GPHN: variants seen among roughly 807,000 people sequenced by gnomAD.
GPHN encodes the protein gephyrin.
GPHN carries 17 observed loss-of-function variants against 95.5 expected under a neutral mutation model. The ratio of observed to expected loss-of-function variants is 0.18; its 90% CI spans 0.12 to 0.27. GPHN has a LOEUF of 0.27. Among genes scored for constraint, GPHN ranks in the 10% least tolerant of loss-of-function variants. GPHN has a pLI of 1.00. For missense variants in GPHN, 660 were observed against 978.1 expected (o/e 0.67, Z 4.34); for synonymous variants, 320 against 322.5 (o/e 0.99, Z 0.08).
chr14:67,427,546 C>T, the GPHN span, among the ~76,000 whole-genome samples: 28 of 152,306 alleles, frequency 1.8e-4, no homozygotes, highest in Non-Finnish European at 2.6e-4. Flanking sequence ...CCCAGGTCGG[C>T]GGCCCAGGGC....
chr14:67,573,763 A>T, the GPHN span: 1 of 1,347,856 alleles, frequency 7.4e-7, no homozygotes, highest in Non-Finnish European at 1.1e-6. The surrounding 1 kb of genome is among the most constrained non-coding windows in gnomAD (Gnocchi z 4.8). Context: ...GAAAGGCTCC[A>T]CATTCAGTGG....
the GPHN span, among the ~76,000 whole-genome samples, chr14:67,252,514 G>A: frequency 6.6e-6 from 1 of 152,172 alleles, no homozygotes; most frequent in Non-Finnish European, 1.5e-5. Context: ...TAGCTGGGTG[G>A]TGTGAAGTAC....
rs1428883717 is a variant in GPHN at position 66,578,702 on chromosome 14, GA to G, written c.64+70122del. ...AACAAAAATTTCTTGCTCAAAGAAAGAAAAAAAAAAACACCAGGAACCATAA... is the reference window on the plus strand; with the variant it reads ...AACAAAAATTTCTTGCTCAAAGAAAGAAAAAAAAAACACCAGGAACCATAA... On this transcript the variant is annotated intron_variant, in intron 1 of 22. Transcript: ENST00000478722. Among the ~76,000 whole-genome samples, 344 of 80,910 alleles carry G rather than the reference GA, an allele frequency of 4.3e-3. 7 individuals are homozygous for G. Among genetic ancestry groups the G allele is most frequent in the Non-Finnish European group, 3.7e-3 (139 of 37,366 alleles). The allele number at this position is 80,910 out of a possible 152,430, so 53.1% of individuals were successfully genotyped here. A position where few individuals can be genotyped will look rare whatever the true frequency, so the allele number is the denominator to read the frequency against.
At chr14:67,018,081 T>C (rs774168257) in intron 9 of GPHN, among the ~76,000 whole-genome samples, 1 of 152,124 alleles carries the variant, frequency 6.6e-6, no homozygotes, top group Admixed American at 6.5e-5. Flanking sequence ...TGGGGACTCA[T>C]ATCAGTAATT....
intron 9 of GPHN, among the ~76,000 whole-genome samples, chr14:67,021,513 C>G (rs7157126): frequency 0.32 from 48,471 of 151,860 alleles, 12,136 homozygotes; most frequent in African/African-American, 0.68. Context: ...AATGATTTTG[C>G]TTGTTAATTT....
At chr14:67,579,716 C>A in the GPHN span, 12 of 1,611,950 alleles carry the variant, frequency 7.4e-6, no homozygotes, top group Non-Finnish European at 7.6e-6. Flanking sequence ...CTTCTCCCGC[C>A]TCAGGTGGTT....
chr14:67,107,666 G>A (rs775220180), intron 13 of GPHN, among the ~76,000 whole-genome samples: 3 of 152,156 alleles, frequency 2.0e-5, no homozygotes, highest in Non-Finnish European at 4.4e-5. Flanking sequence ...GTGGGGCTAC[G>A]CAGGTCCTCA....
chr14:66,591,504 C>T (rs1041350560), intron 1 of GPHN, among the ~76,000 whole-genome samples: 1 of 146,260 alleles, frequency 6.8e-6, no homozygotes, highest in African/African-American at 2.7e-5. Context: ...AATTTCTATA[C>T]ATCAATAATA....
the GPHN span, among the ~76,000 whole-genome samples, chr14:67,455,473 G>A: frequency 6.6e-6 from 1 of 152,182 alleles, no homozygotes; most frequent in Admixed American, 6.5e-5. Context: ...CCCCACTGCA[G>A]ATGCTCCTAG....
In GPHN at chr14:67,062,247, T is replaced by C. The variant is rs2075854701; in HGVS notation, c.1144+3461T>C. ...TTAATGAGCAAACCTTTATAGTTTG[T>C]TTTGATTTCAGCTAGATGTACCTCT... On this transcript the variant is annotated intron_variant, in intron 11 of 22. Transcript: ENST00000478722. Among the ~76,000 whole-genome samples, 4 of 152,362 alleles carry C rather than the reference T, an allele frequency of 2.6e-5. No homozygotes were observed. In the South Asian group the frequency reaches 8.3e-4, roughly 32 times the overall value.
chr14:67,598,037 A>G, the GPHN span, among the ~76,000 whole-genome samples: 2 of 152,242 alleles, frequency 1.3e-5, no homozygotes, highest in Admixed American at 1.3e-4. Context: ...GTGCCCTACT[A>G]TCTGCATTTT....
At chr14:66,548,905 G>A (rs2059709827) in intron 1 of GPHN, among the ~76,000 whole-genome samples, 1 of 152,044 alleles carries the variant, frequency 6.6e-6, no homozygotes, top group South Asian at 2.1e-4. Flanking sequence ...ATACTTCTGA[G>A]GATCTAAGAG....
At chr14:67,429,772 A>G in the GPHN span, among the ~76,000 whole-genome samples, 2 of 152,110 alleles carry the variant, frequency 1.3e-5, no homozygotes, top group African/African-American at 4.8e-5. Context: ...AACAAAAATG[A>G]TGAAAACTAA....
At chr14:67,334,013 A>G in the GPHN span, 2 of 152,604 alleles carry the variant, frequency 1.3e-5, no homozygotes, top group Admixed American at 1.3e-4. Context: ...ACAAATGGTC[A>G]TTGAAAACAC....
chr14:67,709,554 A>G, the GPHN span, among the ~76,000 whole-genome samples: 1 of 152,194 alleles, frequency 6.6e-6, no homozygotes, highest in Non-Finnish European at 1.5e-5. Context: ...ATGTAGAGAA[A>G]CAGAACTTGT....
intron 5 of GPHN, among the ~76,000 whole-genome samples, chr14:66,892,952 C>T (rs1177042196): frequency 6.6e-6 from 1 of 152,118 alleles, no homozygotes; most frequent in Non-Finnish European, 1.5e-5. Context: ...ATGCAACATA[C>T]ATAAAATGTA....
chr14:67,365,658 A>C, the GPHN span, among the ~76,000 whole-genome samples: 1 of 152,208 alleles, frequency 6.6e-6, no homozygotes, highest in African/African-American at 2.4e-5. Context: ...ATGGTGTACA[A>C]TACCATTACG....
the GPHN span, among the ~76,000 whole-genome samples, chr14:67,341,613 G>A: frequency 2.0e-5 from 3 of 151,348 alleles, no homozygotes; most frequent in East Asian, 2.0e-4. Flanking sequence ...GGTGAGGGGC[G>A]CCTCTGCCCG....
At chr14:66,769,674 G>T (rs962316730) in intron 2 of GPHN, among the ~76,000 whole-genome samples, 1 of 152,086 alleles carries the variant, frequency 6.6e-6, no homozygotes, top group Admixed American at 6.6e-5. Context: ...TTTTGTGGCT[G>T]CATAGTATTT....
Sources: allele counts gnomAD v4.1 joint callset (sites outside exome capture counted in the v4.1 genomes callset), GRCh38; gene constraint gnomAD v4.1.1; non-coding constraint Gnocchi (gnomAD v3.1); transcripts MANE v1.5; gene names NCBI Gene and HGNC (gene_info 2026-07-23, HGNC 2026-07-21).